The following KDM2B variants were observed in gnomAD, a reference collection of about 807,000 sequenced individuals.
KDM2B encodes lysine-specific demethylase 2B.
Under a neutral mutation model 150.0 loss-of-function variants are expected in KDM2B, and 26 were observed. The ratio of observed to expected loss-of-function variants is 0.17; its 90% CI spans 0.13 to 0.24. The LOEUF (loss-of-function observed/expected upper bound fraction) is 0.24, where lower values mean the gene tolerates loss of function less well. KDM2B is among the 10% of genes least tolerant of loss of function. The pLI, the probability that KDM2B is intolerant of heterozygous loss-of-function variation, is 1.00. For synonymous variants in KDM2B, 734 were observed against 729.5 expected (o/e 1.01, Z -0.10); for missense variants, 1,265 against 1,816.9 (o/e 0.70, Z 5.52).
At chr12:121,441,347 C>A (rs113514777) in intron 19 of KDM2B, 114 bp from the exon 20 acceptor site, 4 of 973,938 alleles carry the variant, frequency 4.1e-6, no homozygotes, top group East Asian at 2.5e-5. Context: ...CTTAACTCAG[C>A]GCTCTGGACC....
intron 6 of KDM2B, among the ~76,000 whole-genome samples, chr12:121,544,980 G>T (rs1489840693): frequency 3.3e-5 from 5 of 151,316 alleles, no homozygotes; most frequent in Admixed American, 3.3e-4. Flanking sequence ...GAGCCGGGTG[G>T]GGGAAGCAGT....
intron 12 of KDM2B, among the ~76,000 whole-genome samples, chr12:121,463,315 CAA>C (rs201614427): frequency 0.028 from 3,521 of 125,344 alleles, 135 homozygotes; most frequent in African/African-American, 0.095. Flanking sequence ...GACTCCGTCT[CAA>C]AAAAAAAAAA....
At chr12:121,489,146 T>C (rs1883082696) in intron 12 of KDM2B, among the ~76,000 whole-genome samples, 1 of 152,088 alleles carries the variant, frequency 6.6e-6, no homozygotes, top group African/African-American at 2.4e-5. Context: ...TGTTTCACCA[T>C]GTTGGCCAGG....
chr12:121,440,567 G>A, intron 21 of KDM2B: 1 of 497,740 alleles, frequency 2.0e-6, no homozygotes, highest in Non-Finnish European at 3.6e-6. Context: ...GACACACGCA[G>A]AGCCCCATGA....
chr12:121,472,140 C>G (rs980849467), intron 12 of KDM2B, among the ~76,000 whole-genome samples: 1 of 152,142 alleles, frequency 6.6e-6, no homozygotes, highest in Non-Finnish European at 1.5e-5. Flanking sequence ...AGTAACAGAG[C>G]AGGAGGCCTG....
At chr12:121,448,043 G>T (rs781861342) in intron 13 of KDM2B, among the ~76,000 whole-genome samples, 24 of 152,028 alleles carry the variant, frequency 1.6e-4, no homozygotes, top group Non-Finnish European at 3.2e-4. Context: ...TCTTGGCCAG[G>T]AGTGATAGCA....
intron 12 of KDM2B, among the ~76,000 whole-genome samples, chr12:121,483,921 G>A (rs952456372): frequency 1.3e-5 from 2 of 152,212 alleles, no homozygotes; most frequent in South Asian, 2.1e-4. Flanking sequence ...GCCAGGCCTC[G>A]ATGCAGCCAA....
Position 121,467,492 on chromosome 12 carries a change from G to A in KDM2B, c.1735-14148C>T, listed in dbSNP as rs1310650380. On this transcript the variant is annotated intron_variant, in intron 12 of 22. Transcript: ENST00000377071. This position sits in a 1 kb window ranked among gnomAD's most constrained non-coding sequence, Gnocchi z 5.1. The stretch of plus-strand genomic sequence containing the variant: ...GGCGGGCCAATGGCGCGGCCGCGGC[G>A]CTGGGGCCGCACACAAAGGGAGCCC... The A allele has an allele frequency of 2.0e-5, 6 of 297,404 alleles. No homozygotes were observed. Among genetic ancestry groups the A allele is most frequent in the Non-Finnish European group, 2.5e-5 (5 of 203,508 alleles). 18.4% of individuals were successfully genotyped at this position (297,404 alleles called of 1,614,324 possible). A position where few individuals can be genotyped will look rare whatever the true frequency, so the allele number is the denominator to read the frequency against.
chr12:121,487,943 G>T (rs1221978710), intron 12 of KDM2B, among the ~76,000 whole-genome samples: 1 of 151,938 alleles, frequency 6.6e-6, no homozygotes, highest in Non-Finnish European at 1.5e-5. Context: ...CACCATGCCC[G>T]GCTAATTTTT....
intron 7 of KDM2B, 93 bp downstream of exon 7, chr12:121,534,404 G>T: frequency 1.1e-6 from 1 of 878,898 alleles, no homozygotes; most frequent in Non-Finnish European, 1.9e-6. Flanking sequence ...GCTGGTTGGA[G>T]GAGGGAGGTG....
At chr12:121,509,440 C>T in intron 11 of KDM2B, 127 bp downstream of exon 11, 2 of 1,476,016 alleles carry the variant, frequency 1.4e-6, no homozygotes, top group Non-Finnish European at 1.8e-6. Context: ...AGCCCCCTCG[C>T]AGCGCCCACC....
intron 12 of KDM2B, among the ~76,000 whole-genome samples, chr12:121,461,235 G>T (rs1455045422): frequency 6.6e-6 from 1 of 152,178 alleles, no homozygotes; most frequent in Non-Finnish European, 1.5e-5. Flanking sequence ...AGAGAGATGT[G>T]AAACTGCGTG....
intron 12 of KDM2B, among the ~76,000 whole-genome samples, chr12:121,455,902 G>C (rs1566286729): frequency 6.6e-6 from 1 of 152,212 alleles, no homozygotes; most frequent in Non-Finnish European, 1.5e-5. Context: ...TTTGAGAATG[G>C]CACAGAGCAG....
At chr12:121,532,761 C>A (rs781806490) in intron 8 of KDM2B, 45 bp downstream of exon 8, 1 of 1,603,922 alleles carries the variant, frequency 6.2e-7, no homozygotes, top group South Asian at 1.1e-5. Flanking sequence ...CTGGCTCAGG[C>A]CGCAGGAGAC....
intron 4 of KDM2B, among the ~76,000 whole-genome samples, chr12:121,554,731 C>T (rs1279520335): frequency 6.6e-6 from 1 of 152,034 alleles, no homozygotes; most frequent in Non-Finnish European, 1.5e-5. Context: ...TTTAAATTAA[C>T]ACTTTTATAC....
At chr12:121,508,642 G>A (rs1490892357) in intron 11 of KDM2B, among the ~76,000 whole-genome samples, 1 of 152,162 alleles carries the variant, frequency 6.6e-6, no homozygotes, top group African/African-American at 2.4e-5. Context: ...GTTCCACACA[G>A]CGGTAGACAC....
the KDM2B span, among the ~76,000 whole-genome samples, chr12:121,414,209 GTAT>G: frequency 1.3e-5 from 2 of 152,190 alleles, no homozygotes; most frequent in East Asian, 1.9e-4. Flanking sequence ...AAATGGAACT[GTAT>G]TATTATATGC....
At position 121,548,735 on chromosome 12, in the gene KDM2B, G is replaced by A. The variant is rs1004887392; in HGVS notation, c.683+142C>T. ...CTCCTGTCCCAGCTGTGCCCCCACA[G>A]GCACAGTCCTTCAGTTCTGAACGGG... is the stretch of plus-strand genomic sequence containing the variant. On this transcript the variant is annotated intron_variant, in intron 6 of 22. Transcript: ENST00000377071. 8 of 658,306 alleles carry A rather than the reference G, an allele frequency of 1.2e-5. No individual in the cohort carries two copies. The African/African-American group carries it at 1.3e-4, about 10-fold the overall frequency. The allele number at this position is 658,306 out of a possible 1,614,324, so 40.8% of individuals were successfully genotyped here.
At chr12:121,433,329 C>T (rs1030917125) in intron 22 of KDM2B, 3 of 390,982 alleles carry the variant, frequency 7.7e-6, no homozygotes, top group African/African-American at 4.2e-5. Flanking sequence ...CCCGCCTGCC[C>T]GCCCGCCAGC....
Sources: gnomAD v4.1 joint callset for allele counts (sites outside exome capture counted in the v4.1 genomes callset) on GRCh38, gnomAD v4.1.1 for gene constraint, Gnocchi (gnomAD v3.1) non-coding constraint, MANE v1.5 for transcripts, NCBI Gene and HGNC (gene_info 2026-07-23, HGNC 2026-07-21) for gene names.